PCDHGA3: variants seen among roughly 807,000 people sequenced by gnomAD.
PCDHGA3 encodes the protein protocadherin gamma subfamily A, 3.
A neutral mutation model predicts 58.5 loss-of-function variants in PCDHGA3; 40 were observed. The observed-to-expected ratio is 0.68, with a 90% CI of 0.53 to 0.89. The LOEUF (loss-of-function observed/expected upper bound fraction) is 0.89. Among genes scored for constraint, PCDHGA3 ranks in the 40% least tolerant of loss-of-function variants. The probability of loss-of-function intolerance (pLI) is 0.00; values close to 1 mark genes in which losing one functional copy is unlikely to be tolerated. For missense variants in PCDHGA3, 1,223 were observed against 1,195.9 expected, an observed-to-expected ratio of 1.02 and a Z score of -0.33; for synonymous variants, 530 against 525.7, an observed-to-expected ratio of 1.01 and a Z score of -0.11.
rs377248872 is a variant in PCDHGA3 at position 141,489,231 on chromosome 5, C to T, written c.2425-5576C>T. 2 of 1,528,166 alleles carry T rather than the reference C, an allele frequency of 1.3e-6. No homozygotes were observed. The highest frequency in any genetic ancestry group is 1.4e-5 in the African/African-American group (1 of 72,140). The allele number at this position is 1,528,166 out of a possible 1,614,324, so 94.7% of individuals were successfully genotyped here. A position where few individuals can be genotyped will look rare whatever the true frequency, so the allele number is the denominator to read the frequency against. On this transcript the variant is annotated intron_variant, in intron 1 of 3. Transcript: ENST00000253812. This position sits in a 1 kb window ranked among gnomAD's most constrained non-coding sequence, Gnocchi z 4.5. ...CACAGACTTACTCTCCACAAAGGGA[C>T]TTCTGGGTCATGGGGCCCAAGACAC...
rs768057546 is a variant in PCDHGA3, at chr5:141,345,056, T to C, written c.1023T>C (p.Asn341=). 4.3e-6 allele frequency: 7 copies of C among 1,613,954 alleles called. No individual in the cohort carries two copies. The highest frequency in any genetic ancestry group is 5.1e-6 in the Non-Finnish European group (6 of 1,179,886). ...AKILVTVLDV[N]DNAPEITITS... The stretch of plus-strand genomic sequence containing the variant: ...TTCTAGTCACGGTTCTGGATGTGAA[T>C]GACAATGCTCCAGAAATTACAATCA... Residue 341 remains asparagine (N), a synonymous_variant, in exon 1 of 4, where the codon AAT becomes AAC. Transcript: ENST00000253812.
chr5:141,370,804 T>C lies in PCDHGA3; in HGVS notation c.2424+24347T>C, dbSNP rs565720476. 223 of 1,614,010 alleles carry C rather than the reference T, an allele frequency of 1.4e-4. 3 individuals are homozygous for C. The Middle Eastern group carries it at 3.0e-3, about 21-fold the overall frequency. On this transcript the variant is annotated intron_variant, in intron 1 of 3. Coordinates refer to ENST00000253812, the MANE Select transcript of PCDHGA3 (RefSeq NM_018916.4). ...AACCCACCGACCTTTAGCCAAAATA[T>C]CACTGAGCTGGAAATCAGCGAACTG...
In PCDHGA3 at chr5:141,432,255, C is replaced by T. The variant is rs1561859576; in HGVS notation, c.2425-62552C>T. The T allele has an allele frequency of 6.2e-7, 1 of 1,614,246 alleles. No individual in the cohort carries two copies. The highest frequency in any genetic ancestry group is 8.5e-7 in the Non-Finnish European group (1 of 1,180,048). On this transcript the variant is annotated intron_variant, in intron 1 of 3. Transcript: ENST00000253812. This position sits in a 1 kb window ranked among gnomAD's most constrained non-coding sequence, Gnocchi z 6.0. The stretch of plus-strand genomic sequence containing the variant: ...CTGGCTGAGAACACCATCCAAGGGG[C>T]AAGCCTATCGTCCTACGTGTCCATC...
chr5:141,421,043 C>G (rs1201118615), intron 1 of PCDHGA3: 2 of 548,238 alleles, frequency 3.6e-6, no homozygotes, highest in Non-Finnish European at 6.3e-6. Flanking sequence ...CCTCCCTCCC[C>G]CGCCTCTACC....
chr5:141,485,922 G>C lies in PCDHGA3; in HGVS notation c.2425-8885G>C. 6.2e-7 allele frequency: 1 copy of C among 1,614,170 alleles called. No individual in the cohort carries two copies. The highest frequency in any genetic ancestry group is 8.5e-7 in the Non-Finnish European group (1 of 1,180,036). On this transcript the variant is annotated intron_variant, in intron 1 of 3. Transcript: ENST00000253812. This position sits in a 1 kb window ranked among gnomAD's most constrained non-coding sequence, Gnocchi z 5.7. The stretch of plus-strand genomic sequence containing the variant: ...TTCCAGCAATCCAGCTACAGGATTA[G>C]TGTGTTGGAGAGCGCACCAGCGGGC...
intron 1 of PCDHGA3, chr5:141,399,574 G>C (rs1191176960): frequency 6.2e-7 from 1 of 1,614,046 alleles, no homozygotes; most frequent in Middle Eastern, 1.6e-4. Flanking sequence ...GAACGGCCAA[G>C]TCTCCTACTC....
At position 141,431,438 on chromosome 5, in the gene PCDHGA3, C is replaced by G. The variant is rs773812765; in HGVS notation, c.2425-63369C>G. The G allele has an allele frequency of 3.9e-5, 63 of 1,613,612 alleles. No homozygotes were observed. In the East Asian group the frequency reaches 1.4e-3, roughly 35 times the overall value. ...CGACCCGGTGCGCACAGGCACCGCG[C>G]GCATCCGCGTGATGGTTCTGGATGC... is the stretch of plus-strand genomic sequence containing the variant. On this transcript the variant is annotated intron_variant, in intron 1 of 3. Coordinates refer to ENST00000253812, the MANE Select transcript of PCDHGA3 (RefSeq NM_018916.4). The surrounding 1 kb of genome is among the most constrained non-coding windows in gnomAD (Gnocchi z 4.8).
At chr5:141,362,375 C>T (rs755032384) in intron 1 of PCDHGA3, 5 of 1,613,922 alleles carry the variant, frequency 3.1e-6, no homozygotes, top group Admixed American at 1.7e-5. Context: ...AGTGAGGGTA[C>T]ATTGCCCTAT....
At chr5:141,398,667 A>G (rs750777887) in intron 1 of PCDHGA3, 1 of 1,614,006 alleles carries the variant, frequency 6.2e-7, no homozygotes, top group Admixed American at 1.7e-5. Flanking sequence ...GTTTCTCATT[A>G]ATAATTAAGG....
rs777545006 is a variant in PCDHGA3 at position 141,356,045 on chromosome 5, G to A, written c.2424+9588G>A. ...AATGGAGACGTGACGTATTCTTTCCGGAAAGTAAGAGACAAAATATCACAG... is the reference window on the plus strand; with the variant it reads ...AATGGAGACGTGACGTATTCTTTCCAGAAAGTAAGAGACAAAATATCACAG... On this transcript the variant is annotated intron_variant, in intron 1 of 3. Coordinates refer to ENST00000253812, the MANE Select transcript of PCDHGA3 (RefSeq NM_018916.4). The A allele has an allele frequency of 6.2e-7, 1 of 1,613,906 alleles. No individual in the cohort carries two copies. Among genetic ancestry groups the A allele is most frequent in the Admixed American group, 1.7e-5 (1 of 60,016 alleles).
At chr5:141,364,275 A>G in intron 1 of PCDHGA3, 2 of 1,515,456 alleles carry the variant, frequency 1.3e-6, no homozygotes, top group South Asian at 2.7e-5. Flanking sequence ...CTTTAGATAA[A>G]TAAGGAAACA....
At chr5:141,354,919 AAAT>A (rs1231499127) in intron 1 of PCDHGA3, 4 of 413,464 alleles carry the variant, frequency 9.7e-6, no homozygotes, top group Non-Finnish European at 1.7e-5. Context: ...AGTGTATAAA[AAAT>A]AAACTTTTTT....
chr5:141,391,775 A>T (rs996921581), intron 1 of PCDHGA3: 1 of 152,210 alleles, frequency 6.6e-6, no homozygotes, highest in Non-Finnish European at 1.5e-5. Flanking sequence ...TTATATAGTC[A>T]TTACTTTTTG....
chr5:141,352,323 T>C, intron 1 of PCDHGA3: 6 of 1,614,060 alleles, frequency 3.7e-6, no homozygotes, highest in Non-Finnish European at 5.1e-6. Context: ...CAGTTTTACC[T>C]GGTTGTGGCC....
chr5:141,384,412 G>T lies in PCDHGA3; in HGVS notation c.2424+37955G>T, dbSNP rs776239248. The T allele has an allele frequency of 9.9e-6, 16 of 1,613,894 alleles. 1 individual carries two copies. The Middle Eastern group carries it at 2.3e-3, about 233-fold the overall frequency. ...CCAGGGGGCTCCAGTGTCCTCCTAT[G>T]TCTCCATAAACTCTGACACTGGAGT... On this transcript the variant is annotated intron_variant, in intron 1 of 3. Transcript: ENST00000253812.
intron 1 of PCDHGA3, among the ~76,000 whole-genome samples, chr5:141,460,672 TATATCTATATA>T (rs2098995194): frequency 6.6e-6 from 1 of 152,086 alleles, no homozygotes; most frequent in Admixed American, 6.6e-5. Flanking sequence ...AACACAGTTA[TATATCTATATA>T]TCCACCAACA....
At chr5:141,423,533 T>C (rs2096751691) in intron 1 of PCDHGA3, 1 of 1,613,650 alleles carries the variant, frequency 6.2e-7, no homozygotes, top group Non-Finnish European at 8.5e-7. Flanking sequence ...AAGAGTCACC[T>C]GATTTTCCCC....
Position 141,510,960 on chromosome 5 carries a change from G to T in PCDHGA3, c.2586G>T (p.Gly862=). The T allele has an allele frequency of 6.2e-7, 1 of 1,614,120 alleles. No individual in the cohort carries two copies. The highest frequency in any genetic ancestry group is 1.3e-5 in the African/African-American group (1 of 75,022). ...ILASASEAAD[G]SSTLGGGAGT... is the part of the protein sequence containing the mutation. ...CTGTCTCTGCAGAAGCTGCTGATGG[G>T]AGCTCCACCCTGGGAGGGGGTGCCG... Residue 862 remains glycine, a synonymous_variant, in exon 4 of 4, where the codon GGG becomes GGT. Transcript: ENST00000253812.
chr5:141,371,872 C>T (rs1206900205), intron 1 of PCDHGA3: 3 of 1,613,534 alleles, frequency 1.9e-6, no homozygotes, highest in East Asian at 2.2e-5. Flanking sequence ...TACATCGTGG[C>T]CAGTGACCTG....
Sources: allele counts gnomAD v4.1 joint callset (sites outside exome capture counted in the v4.1 genomes callset), GRCh38; gene constraint gnomAD v4.1.1; non-coding constraint Gnocchi (gnomAD v3.1); transcripts MANE v1.5; gene names NCBI Gene and HGNC (gene_info 2026-07-23, HGNC 2026-07-21).